ANKS1B: variants seen among roughly 807,000 people sequenced by gnomAD.
ANKS1B encodes ankyrin repeat and sterile alpha motif domain-containing protein 1B.
Under a neutral mutation model 148.3 loss-of-function variants are expected in ANKS1B, and 36 were observed. The observed-to-expected ratio is 0.24, with a 90% CI of 0.19 to 0.32. The LOEUF (loss-of-function observed/expected upper bound fraction) is 0.32, where lower values mean the gene tolerates loss of function less well. Among genes scored for constraint, ANKS1B ranks in the 10% least tolerant of loss-of-function variants. The pLI is 1.00. For synonymous variants in ANKS1B, 542 were observed against 560.8 expected (o/e 0.97, Z 0.47); for missense variants, 1,157 against 1,542.6 (o/e 0.75, Z 4.19).
At chr12:99,701,230 A>C (rs1353824474) in intron 8 of ANKS1B, among the ~76,000 whole-genome samples, 3 of 152,116 alleles carry the variant, frequency 2.0e-5, no homozygotes, top group Non-Finnish European at 4.4e-5. Flanking sequence ...GTGGGTTTGC[A>C]CTTTGGGGTT....
chr12:98,975,433 T>C (rs2099893167), intron 17 of ANKS1B, among the ~76,000 whole-genome samples: 1 of 151,808 alleles, frequency 6.6e-6, no homozygotes. Flanking sequence ...CCCTTCCTTC[T>C]TTCTTGCCTT....
At chr12:99,929,032 G>A (rs2094545873) in intron 1 of ANKS1B, among the ~76,000 whole-genome samples, 2 of 152,148 alleles carry the variant, frequency 1.3e-5, no homozygotes, top group Non-Finnish European at 2.9e-5. Context: ...AGATTTTTCT[G>A]TTGCTTTAAT....
At chr12:99,165,850 T>C (rs2077141418) in intron 14 of ANKS1B, among the ~76,000 whole-genome samples, 1 of 151,890 alleles carries the variant, frequency 6.6e-6, no homozygotes, top group Admixed American at 6.6e-5. Context: ...TGTATTAGTG[T>C]CTGTCATAAA....
At chr12:99,474,093 C>T (rs2096280716) in intron 10 of ANKS1B, among the ~76,000 whole-genome samples, 1 of 151,988 alleles carries the variant, frequency 6.6e-6, no homozygotes, top group Non-Finnish European at 1.5e-5. Flanking sequence ...CGTTTTAATG[C>T]ATTATTGAAT....
chr12:99,836,704 C>G lies in ANKS1B; in HGVS notation c.135-11315G>C, dbSNP rs372134737. Among the ~76,000 whole-genome samples, 265 of 152,252 alleles carry G rather than the reference C, an allele frequency of 1.7e-3. 5 individuals are homozygous for G. In the South Asian group the frequency reaches 0.052, roughly 30 times the overall value. ...GGAAAACTAGAGCATCTATTTTAACCTAGTTTTAACTTCATCACTTGTTCT... is the reference window on the plus strand; with the variant it reads ...GGAAAACTAGAGCATCTATTTTAACGTAGTTTTAACTTCATCACTTGTTCT... On this transcript the variant is annotated intron_variant, in intron 1 of 26. Coordinates refer to ENST00000683438, the MANE Select transcript of ANKS1B (RefSeq NM_001352186.2).
chr12:98,936,075 G>A (rs997408056), intron 17 of ANKS1B, among the ~76,000 whole-genome samples: 2 of 152,116 alleles, frequency 1.3e-5, no homozygotes, highest in African/African-American at 2.4e-5. Flanking sequence ...TGTTCAGTTC[G>A]ATTTTAGTGG....
At chr12:98,865,111 C>A (rs574386201) in intron 17 of ANKS1B, among the ~76,000 whole-genome samples, 2 of 152,290 alleles carry the variant, frequency 1.3e-5, no homozygotes, top group Admixed American at 1.3e-4. Flanking sequence ...CTGTATGTGG[C>A]TGGGCCCTCA....
intron 14 of ANKS1B, among the ~76,000 whole-genome samples, chr12:99,195,398 G>A (rs1473004525): frequency 6.6e-6 from 1 of 152,042 alleles, no homozygotes; most frequent in Non-Finnish European, 1.5e-5. Flanking sequence ...TGTTGATTTG[G>A]TCAAAGATAC....
At chr12:99,798,880 A>T (rs1426349138) in intron 4 of ANKS1B, among the ~76,000 whole-genome samples, 1 of 151,976 alleles carries the variant, frequency 6.6e-6, no homozygotes, top group Non-Finnish European at 1.5e-5. Context: ...TGTGCTCTTT[A>T]TTCTATCACT....
chr12:98,821,272 A>G (rs1290367764), intron 19 of ANKS1B, among the ~76,000 whole-genome samples: 4 of 152,222 alleles, frequency 2.6e-5, no homozygotes, highest in East Asian at 1.9e-4. Context: ...TGATATAGCA[A>G]TTTTCCATCA....
chr12:98,979,329 G>A (rs1436729735), intron 17 of ANKS1B, among the ~76,000 whole-genome samples: 4 of 150,788 alleles, frequency 2.7e-5, no homozygotes, highest in Admixed American at 6.6e-5. Context: ...GTGCAGTGGC[G>A]CAATCTTGGC....
At chr12:99,924,533 G>T (rs1332526688) in intron 1 of ANKS1B, among the ~76,000 whole-genome samples, 1 of 152,172 alleles carries the variant, frequency 6.6e-6, no homozygotes, top group African/African-American at 2.4e-5. Flanking sequence ...ATGAATGTTT[G>T]TGTTCCCCCA....
chr12:99,518,682 T>C (rs567879076), intron 9 of ANKS1B, among the ~76,000 whole-genome samples: 5 of 152,258 alleles, frequency 3.3e-5, no homozygotes, highest in South Asian at 2.1e-4. Context: ...AAACAACTTT[T>C]TGTTTTACTG....
Position 98,745,169 on chromosome 12 carries a change from A to G in ANKS1B, c.*570T>C. The stretch of plus-strand genomic sequence containing the variant: ...TCTGACATAGGTGATTACATATAAA[A>G]TCCACAAATATAGAAATGGGGAAAC... On this transcript the variant is annotated 3_prime_UTR_variant, in exon 27 of 27. Transcript: ENST00000683438. The G allele has an allele frequency of 1.0e-6, 1 of 985,830 alleles. No homozygotes were observed. The highest frequency in any genetic ancestry group is 1.2e-6 in the Non-Finnish European group (1 of 829,940). 61.1% of individuals were successfully genotyped at this position (985,830 alleles called of 1,614,324 possible). A position where few individuals can be genotyped will look rare whatever the true frequency, so the allele number is the denominator to read the frequency against.
At chr12:99,268,836 G>T (rs1203160392) in intron 12 of ANKS1B, among the ~76,000 whole-genome samples, 1 of 152,084 alleles carries the variant, frequency 6.6e-6, no homozygotes. Flanking sequence ...AGAAAGGAGG[G>T]TTTACATTTC....
intron 1 of ANKS1B, among the ~76,000 whole-genome samples, chr12:99,946,392 G>C (rs1224598602): frequency 6.6e-6 from 1 of 152,132 alleles, no homozygotes; most frequent in Non-Finnish European, 1.5e-5. Flanking sequence ...TGCCAGCATG[G>C]TAGAGTTCTG....
intron 12 of ANKS1B, among the ~76,000 whole-genome samples, chr12:99,258,510 A>G (rs899860078): frequency 1.2e-4 from 18 of 152,156 alleles, no homozygotes; most frequent in African/African-American, 4.3e-4. Context: ...TAAAGATAGC[A>G]AGGAGCTAAA....
At chr12:99,925,376 C>G (rs1479001557) in intron 1 of ANKS1B, among the ~76,000 whole-genome samples, 1 of 152,108 alleles carries the variant, frequency 6.6e-6, no homozygotes, top group Non-Finnish European at 1.5e-5. Context: ...CACTGGCATA[C>G]CAGAAGATAA....
chr12:99,190,808 C>G (rs1160018966), intron 14 of ANKS1B, among the ~76,000 whole-genome samples: 1 of 152,028 alleles, frequency 6.6e-6, no homozygotes, highest in Non-Finnish European at 1.5e-5. Flanking sequence ...ACTAAAACAC[C>G]AAAAGCAACA....
Sources: allele counts gnomAD v4.1 joint callset (sites outside exome capture counted in the v4.1 genomes callset), GRCh38; gene constraint gnomAD v4.1.1; transcripts MANE v1.5; gene names NCBI Gene and HGNC (gene_info 2026-07-23, HGNC 2026-07-21).